The following SAMSN1 variants were observed in gnomAD, a reference collection of about 807,000 sequenced individuals.
SAMSN1 encodes the protein SAM domain-containing protein SAMSN-1.
In SAMSN1, 31 loss-of-function variants were observed where a neutral mutation model predicts 42.0. That is an observed-to-expected ratio of 0.74 (90% confidence interval 0.55 to 1.00). The LOEUF is 1.00. SAMSN1 is among the 50% of genes least tolerant of loss of function. The pLI is 0.00. For synonymous variants in SAMSN1, 178 were observed against 151.9 expected, an observed-to-expected ratio of 1.17 and a Z score of -1.26; for missense variants, 464 against 439.4, an observed-to-expected ratio of 1.06 and a Z score of -0.50.
At chr21:14,609,614 T>TGTC in intron 4 of SAMSN1, 1 of 717,120 alleles carries the variant, frequency 1.4e-6, no homozygotes, top group South Asian at 1.5e-5. Context: ...TAGTAACATT[T>TGTC]GTCCAGTAAG....
chr21:14,656,828 C>T (rs751728335), intron 1 of SAMSN1, among the ~76,000 whole-genome samples: 8 of 151,906 alleles, frequency 5.3e-5, no homozygotes, highest in African/African-American at 1.2e-4. Flanking sequence ...TTCATTCTTT[C>T]TTTAGCAGTG....
At chr21:14,658,939 C>A, upstream of SAMSN1, 1 of 590,654 alleles carries the variant, frequency 1.7e-6, no homozygotes, top group South Asian at 2.1e-5. Flanking sequence ...ATAATATAGG[C>A]TTTTGTTGAA....
chr21:14,607,225 G>A (rs186316255), intron 5 of SAMSN1, among the ~76,000 whole-genome samples: 1 of 152,192 alleles, frequency 6.6e-6, no homozygotes, highest in African/African-American at 2.4e-5. Flanking sequence ...CCTATCCTCA[G>A]GCACAGGAAA....
intron 1 of SAMSN1, among the ~76,000 whole-genome samples, chr21:14,539,245 C>G (rs1221239381): frequency 1.3e-5 from 2 of 152,162 alleles, no homozygotes; most frequent in African/African-American, 4.8e-5. Context: ...GACAGGGATG[C>G]CCTCTCTCAC....
At chr21:14,590,037 T>C (rs776882114) in intron 7 of SAMSN1, among the ~76,000 whole-genome samples, 14 of 152,150 alleles carry the variant, frequency 9.2e-5, no homozygotes, top group Non-Finnish European at 1.6e-4. Flanking sequence ...TTTCTCTAAG[T>C]TTTCCGGTCT....
intron 5 of SAMSN1, among the ~76,000 whole-genome samples, chr21:14,506,771 G>T (rs1209426896): frequency 1.3e-5 from 2 of 152,152 alleles, no homozygotes; most frequent in African/African-American, 4.8e-5. Flanking sequence ...TATCCCTGAT[G>T]AACATAGATG....
At position 14,655,520 on chromosome 21, in the gene SAMSN1, G is replaced by A. The variant is rs1342950800; in HGVS notation, c.24+3228C>T. Among the ~76,000 whole-genome samples, 6 of 151,802 alleles carry A rather than the reference G, an allele frequency of 4.0e-5. No homozygotes were observed. In the East Asian group the frequency reaches 1.2e-3, roughly 29 times the overall value. On this transcript the variant is annotated intron_variant, in intron 1 of 15. Transcript: ENST00000647101. ...GTGTTTAATATAGAAATGTAAGAAT[G>A]CTTCAATATTTTGATACAGATTAAA...
intron 2 of SAMSN1, among the ~76,000 whole-genome samples, chr21:14,629,739 T>C (rs536461453): frequency 6.6e-6 from 1 of 152,276 alleles, no homozygotes; most frequent in Non-Finnish European, 1.5e-5. Context: ...ATTTGTCTAC[T>C]AGTGTGCGAA....
chr21:14,641,286 T>A (rs1466620766), intron 2 of SAMSN1, among the ~76,000 whole-genome samples: 2 of 152,176 alleles, frequency 1.3e-5, no homozygotes, highest in African/African-American at 4.8e-5. Context: ...ATTTTTATGT[T>A]ACTGAGACTT....
At chr21:14,612,804 A>T in intron 4 of SAMSN1, 1 of 674,442 alleles carries the variant, frequency 1.5e-6, no homozygotes, top group Non-Finnish European at 2.7e-6. Flanking sequence ...GCTTTGTGGC[A>T]GGAGCAGGAG....
chr21:14,495,108 A>G (rs148828121), intron 7 of SAMSN1, among the ~76,000 whole-genome samples: 2 of 152,246 alleles, frequency 1.3e-5, no homozygotes, highest in Non-Finnish European at 2.9e-5. Context: ...GAAAATTTAC[A>G]TGTCCCATTC....
At chr21:14,573,399 T>C (rs1168391328) in intron 2 of SAMSN1, among the ~76,000 whole-genome samples, 1 of 152,212 alleles carries the variant, frequency 6.6e-6, no homozygotes, top group Non-Finnish European at 1.5e-5. Flanking sequence ...GAAGTTTCTG[T>C]AGCCCTGAAG....
chr21:14,597,269 T>C (rs1315149794), intron 6 of SAMSN1, among the ~76,000 whole-genome samples: 1 of 152,136 alleles, frequency 6.6e-6, no homozygotes, highest in African/African-American at 2.4e-5. Context: ...TGACCCAGCG[T>C]TGTGACCTCA....
At chr21:14,500,926 C>T (rs1053995052) in intron 5 of SAMSN1, among the ~76,000 whole-genome samples, 191 bp from the exon 6 acceptor site, 10 of 152,192 alleles carry the variant, frequency 6.6e-5, no homozygotes, top group Non-Finnish European at 1.5e-4. Context: ...ATAATCCCAG[C>T]ACTTTGGGAG....
chr21:14,536,512 A>C (rs1979632103), intron 1 of SAMSN1, among the ~76,000 whole-genome samples: 1 of 152,240 alleles, frequency 6.6e-6, no homozygotes, highest in Admixed American at 6.5e-5. Context: ...ATTTGGCCCC[A>C]AACATTTTGC....
chr21:14,597,859 A>C (rs1409681827), intron 6 of SAMSN1: 1 of 152,164 alleles, frequency 6.6e-6, no homozygotes, highest in Admixed American at 6.5e-5. Flanking sequence ...AGCTCCAGGC[A>C]GGAAAGAGAG....
rs1983378689 is a variant in SAMSN1, at chr21:14,633,245, T to C, written c.156+9757A>G. On this transcript the variant is annotated intron_variant, in intron 2 of 15. Coordinates refer to the SAMSN1 transcript ENST00000647101. ...CAGACACCATGCACACCCTATTACT[T>C]CTGTTTCTCTAGAGAACCCTGATTA... is the stretch of plus-strand genomic sequence containing the variant. 5.3e-5 allele frequency among the ~76,000 whole-genome samples: 8 copies of C among 152,162 alleles called. No individual in the cohort carries two copies. In the South Asian group the frequency reaches 1.7e-3, roughly 32 times the overall value.
chr21:14,616,629 A>G (rs1982844050), intron 2 of SAMSN1, among the ~76,000 whole-genome samples: 1 of 152,178 alleles, frequency 6.6e-6, no homozygotes, highest in South Asian at 2.1e-4. Flanking sequence ...ACTGCCCTAG[A>G]CACCTTTAAA....
At chr21:14,647,158 T>A (rs1417259007) in intron 1 of SAMSN1, among the ~76,000 whole-genome samples, 2 of 152,192 alleles carry the variant, frequency 1.3e-5, no homozygotes, top group African/African-American at 2.4e-5. Context: ...CCCATCAATC[T>A]GTTGCCTGCA....
Sources: allele counts gnomAD v4.1 joint callset (sites outside exome capture counted in the v4.1 genomes callset), GRCh38; gene constraint gnomAD v4.1.1; transcripts MANE v1.5; gene names NCBI Gene and HGNC (gene_info 2026-07-23, HGNC 2026-07-21).